The following ADK variants were observed in gnomAD, a reference collection of about 807,000 sequenced individuals.
The protein encoded by ADK is adenosine kinase.
In ADK, 24 loss-of-function variants were observed where a neutral mutation model predicts 44.7. The ratio of observed to expected loss-of-function variants is 0.54; its 90% CI spans 0.39 to 0.76. The LOEUF is 0.76. Ranked by LOEUF, ADK falls within the 30% of genes least tolerant of loss-of-function variation. The probability of loss-of-function intolerance (pLI) is 0.00; values close to 1 mark genes in which losing one functional copy is unlikely to be tolerated. For synonymous variants in ADK, 128 were observed against 142.6 expected (o/e 0.90, Z 0.73); for missense variants, 321 against 425.1 (o/e 0.76, Z 2.15).
At chr10:74,189,173 T>C (rs1842876095) in intron 1 of ADK, among the ~76,000 whole-genome samples, 1 of 152,216 alleles carries the variant, frequency 6.6e-6, no homozygotes. Flanking sequence ...ACAATTTCGA[T>C]GTGTTCAATT....
At chr10:74,705,836 G>A (rs1314787122) in intron 10 of ADK, among the ~76,000 whole-genome samples, 1 of 152,160 alleles carries the variant, frequency 6.6e-6, no homozygotes, top group South Asian at 2.1e-4. Flanking sequence ...TTCTGCGAGT[G>A]TGCAGTGGTA....
chr10:74,574,998 T>A (rs1851135505), intron 7 of ADK, among the ~76,000 whole-genome samples: 1 of 152,054 alleles, frequency 6.6e-6, no homozygotes, highest in African/African-American at 2.4e-5. Context: ...GGAAACAGAG[T>A]ACAAATAAAT....
intron 1 of ADK, among the ~76,000 whole-genome samples, chr10:74,173,022 A>G (rs1021772326): frequency 1.3e-5 from 2 of 151,788 alleles, no homozygotes; most frequent in African/African-American, 2.4e-5. Context: ...TCCCTTAATT[A>G]TACTGAATTT....
intron 4 of ADK, among the ~76,000 whole-genome samples, chr10:74,388,758 C>T (rs1843237543): frequency 6.6e-6 from 1 of 152,084 alleles, no homozygotes; most frequent in Non-Finnish European, 1.5e-5. Context: ...TATGTGGATT[C>T]CTTATGATTT....
intron 4 of ADK, 113 bp downstream of exon 4, chr10:74,314,858 T>C: frequency 1.2e-6 from 1 of 825,734 alleles, no homozygotes; most frequent in South Asian, 1.5e-5. Context: ...TTTGTTCATT[T>C]GAATTGGGAT....
At chr10:74,499,671 G>C (rs1054586721) in intron 6 of ADK, among the ~76,000 whole-genome samples, 2 of 151,752 alleles carry the variant, frequency 1.3e-5, no homozygotes, top group Admixed American at 6.6e-5. Flanking sequence ...CTGGGCGACA[G>C]AGCGAGACTC....
At chr10:74,379,113 GTGT>G in intron 4 of ADK, among the ~76,000 whole-genome samples, 1 of 152,078 alleles carries the variant, frequency 6.6e-6, no homozygotes, top group Non-Finnish European at 1.5e-5. Flanking sequence ...TTTTTAGTGA[GTGT>G]TGTTGGAAGC....
At chr10:74,197,105 T>G (rs1391099237) in intron 1 of ADK, among the ~76,000 whole-genome samples, 1 of 152,166 alleles carries the variant, frequency 6.6e-6, no homozygotes, top group Non-Finnish European at 1.5e-5. Context: ...CTGGCTTAGG[T>G]TACATGCCAG....
At chr10:74,414,658 C>G (rs1844306171) in intron 6 of ADK, among the ~76,000 whole-genome samples, 3 of 152,046 alleles carry the variant, frequency 2.0e-5, no homozygotes, top group Admixed American at 2.0e-4. Context: ...TGGCTTGAAC[C>G]TGGGAGGCAG....
intron 7 of ADK, among the ~76,000 whole-genome samples, chr10:74,537,003 GA>G (rs376816781): frequency 4.6e-5 from 7 of 151,976 alleles, no homozygotes; most frequent in African/African-American, 1.7e-4. Context: ...AACTCTTTTG[GA>G]TATATACCTA....
chr10:74,568,516 C>T (rs933357293), intron 7 of ADK, among the ~76,000 whole-genome samples: 1 of 152,052 alleles, frequency 6.6e-6, no homozygotes, highest in Non-Finnish European at 1.5e-5. Flanking sequence ...AGAAAGAATT[C>T]AGGGCAAGTC....
intron 9 of ADK, among the ~76,000 whole-genome samples, chr10:74,609,546 G>A (rs1364290522): frequency 1.3e-5 from 2 of 152,076 alleles, no homozygotes; most frequent in South Asian, 2.1e-4. Context: ...CCCTGCTTCC[G>A]CTCGCCCTTT....
At chr10:74,201,940 G>C (rs147549107) in intron 2 of ADK, among the ~76,000 whole-genome samples, 1 of 151,838 alleles carries the variant, frequency 6.6e-6, no homozygotes, top group Non-Finnish European at 1.5e-5. Context: ...AATTTATATC[G>C]CATAAAATTG....
intron 10 of ADK, among the ~76,000 whole-genome samples, chr10:74,703,699 G>T (rs938825976): frequency 2.6e-5 from 4 of 152,144 alleles, no homozygotes; most frequent in Non-Finnish European, 4.4e-5. Context: ...TTGAAATATG[G>T]ACAGTAGATT....
intron 1 of ADK, among the ~76,000 whole-genome samples, chr10:74,185,048 A>G (rs1842695801): frequency 6.6e-6 from 1 of 152,208 alleles, no homozygotes; most frequent in Admixed American, 6.5e-5. Flanking sequence ...CGTTAAAAAG[A>G]GATAATAGCG....
chr10:74,458,754 T>A (rs572090685), intron 6 of ADK, among the ~76,000 whole-genome samples: 11 of 152,314 alleles, frequency 7.2e-5, no homozygotes, highest in African/African-American at 2.6e-4. Flanking sequence ...TTCTTTTCTA[T>A]GCCGTTTCTT....
chr10:74,237,084 C>G (rs1167899137), intron 3 of ADK, among the ~76,000 whole-genome samples: 10 of 152,110 alleles, frequency 6.6e-5, no homozygotes, highest in Non-Finnish European at 1.2e-4. Flanking sequence ...TGTGTCAGAG[C>G]CTTCCTTTCA....
At chr10:74,515,007 G>A (rs1454313619) in intron 6 of ADK, among the ~76,000 whole-genome samples, 1 of 151,966 alleles carries the variant, frequency 6.6e-6, no homozygotes, top group Non-Finnish European at 1.5e-5. Flanking sequence ...GTGGTTTTTA[G>A]TAGAGACAGG....
intron 4 of ADK, among the ~76,000 whole-genome samples, chr10:74,367,572 A>G (rs1842533664): frequency 6.6e-6 from 1 of 152,224 alleles, no homozygotes; most frequent in Admixed American, 6.5e-5. Flanking sequence ...ACTAAAATGT[A>G]CTTGTAAATC....
Sources: gnomAD v4.1 joint callset for allele counts (sites outside exome capture counted in the v4.1 genomes callset) on GRCh38, gnomAD v4.1.1 for gene constraint, MANE v1.5 for transcripts, NCBI Gene and HGNC (gene_info 2026-07-23, HGNC 2026-07-21) for gene names.